The following SIN3A variants were observed in gnomAD, a reference collection of about 807,000 sequenced individuals.
SIN3A encodes the protein paired amphipathic helix protein Sin3a.
A neutral mutation model predicts 146.1 loss-of-function variants in SIN3A; 14 were observed. The ratio of observed to expected loss-of-function variants is 0.10; its 90% CI spans 0.06 to 0.15. The LOEUF (loss-of-function observed/expected upper bound fraction) is 0.15. Ranked by LOEUF, SIN3A falls within the 10% of genes least tolerant of loss-of-function variation. The probability of loss-of-function intolerance (pLI) is 1.00; values close to 1 mark genes in which losing one functional copy is unlikely to be tolerated. For missense variants in SIN3A, 1,028 were observed against 1,576.0 expected (o/e 0.65, Z 5.89); for synonymous variants, 572 against 572.0 (o/e 1.00, Z 0.00).
chr15:75,381,709 C>A lies in SIN3A; in HGVS notation c.3196-4G>T, dbSNP rs1411770643. 6.2e-7 allele frequency: 1 copy of A among 1,610,516 alleles called. No individual in the cohort carries two copies. The highest frequency in any genetic ancestry group is 8.5e-7 in the Non-Finnish European group (1 of 1,177,374). On this transcript the variant is annotated splice_region_variant and splice_polypyrimidine_tract_variant and intron_variant, in intron 17 of 20. Coordinates refer to ENST00000394947, the MANE Select transcript of SIN3A (RefSeq NM_001145358.2). ...CTTGGCTCTGAATAAACATAAGCTG[C>A]AAATAAGAAACCTAAGCGTAAACAA... is the stretch of plus-strand genomic sequence containing the variant.
At chr15:75,453,911 C>G (rs555037329), upstream of SIN3A, 216 of 152,494 alleles carry the variant, frequency 1.4e-3, 1 homozygote, top group African/African-American at 5.0e-3. Context: ...GGCTTCTCGG[C>G]TCTCCCCGCC....
At chr15:75,421,821 A>T (rs912850950) in intron 3 of SIN3A, 2 of 152,192 alleles carry the variant, frequency 1.3e-5, no homozygotes, top group African/African-American at 4.8e-5. Flanking sequence ...AGTAACATTC[A>T]AGTGGTCAGA....
Position 75,411,759 on chromosome 15 carries a change from A to G in SIN3A, c.757-16T>C, listed in dbSNP as rs1452822695. On this transcript the variant is annotated splice_polypyrimidine_tract_variant and intron_variant, in intron 5 of 20. Coordinates refer to ENST00000394947, the MANE Select transcript of SIN3A (RefSeq NM_001145358.2). ...GTTGGGAGGGCTAGAAAGAAAAGAA[A>G]TCTTTATTCTCTTCAGATGCATAGA... 6.4e-7 allele frequency: 1 copy of G among 1,563,282 alleles called. No homozygotes were observed. Among genetic ancestry groups the G allele is most frequent in the Non-Finnish European group, 8.7e-7 (1 of 1,155,516 alleles).
rs1328810468 is a variant in SIN3A at position 75,394,821 on chromosome 15, G to C, written c.2136C>G (p.Gly712=). The change falls in exon 14 of 21, where the codon GGC becomes GGG. Residue 712 remains glycine (G), a synonymous_variant. Coordinates refer to ENST00000394947, the MANE Select transcript of SIN3A (RefSeq NM_001145358.2). ...TTTGTTCTCGCCATACTTTGTTAAAGCCTCTCTGAGCTTCTCGCCATTCTT... is the reference window on the plus strand; with the variant it reads ...TTTGTTCTCGCCATACTTTGTTAAACCCTCTCTGAGCTTCTCGCCATTCTT... ...KEEEWREAQR[G]FNKVWREQNE... is the part of the protein sequence containing the mutation. 3.7e-6 allele frequency: 6 copies of C among 1,613,882 alleles called. No individual in the cohort carries two copies. In the African/African-American group the frequency reaches 8.0e-5, roughly 22 times the overall value.
chr15:75,429,764 CTA>C (rs903637286), intron 2 of SIN3A, among the ~76,000 whole-genome samples: 4 of 152,092 alleles, frequency 2.6e-5, no homozygotes, highest in Non-Finnish European at 1.5e-5. Context: ...GTAATTTACA[CTA>C]CAGTGAAAAT....
intron 2 of SIN3A, among the ~76,000 whole-genome samples, chr15:75,427,484 A>C (rs2073944922): frequency 6.6e-6 from 1 of 152,018 alleles, no homozygotes; most frequent in Admixed American, 6.6e-5. Context: ...GCACAGCGAA[A>C]CCCCATCTCC....
intron 12 of SIN3A, among the ~76,000 whole-genome samples, chr15:75,397,521 G>A (rs139218831): frequency 6.6e-6 from 1 of 152,252 alleles, no homozygotes; most frequent in Non-Finnish European, 1.5e-5. Flanking sequence ...CCCTTGGCCT[G>A]AATCCCCAAG....
chr15:75,396,635 T>A (rs552887061), intron 12 of SIN3A, 139 bp from the exon 13 acceptor site: 113 of 626,888 alleles, frequency 1.8e-4, no homozygotes, highest in Admixed American at 2.7e-4. Flanking sequence ...TAAGACTGTT[T>A]CTTTATCAGC....
At chr15:75,404,119 G>A (rs772500458) in intron 9 of SIN3A, among the ~76,000 whole-genome samples, 3 of 152,152 alleles carry the variant, frequency 2.0e-5, no homozygotes, top group Non-Finnish European at 4.4e-5. Context: ...ACCACAGACT[G>A]CCACCAAACC....
At chr15:75,437,177 CTTT>C (rs5813801) in intron 1 of SIN3A, among the ~76,000 whole-genome samples, 11 of 145,128 alleles carry the variant, frequency 7.6e-5, no homozygotes, top group Admixed American at 2.1e-4. Context: ...TCCCAGAACC[CTTT>C]TTTTTTTTTT....
Position 75,427,008 on chromosome 15 carries a change from G to T in SIN3A, c.189+3179C>A, listed in dbSNP as rs371594406. On this transcript the variant is annotated intron_variant, in intron 2 of 20. Transcript: ENST00000394947. ...TATGCATATAAAACTGGATACCCAAGAAATTCACCAGTGGGAGAAAATCTG... is the reference window on the plus strand; with the variant it reads ...TATGCATATAAAACTGGATACCCAATAAATTCACCAGTGGGAGAAAATCTG... Among the ~76,000 whole-genome samples, 8 of 152,134 alleles carry T rather than the reference G, an allele frequency of 5.3e-5. No individual in the cohort carries two copies. The East Asian group carries it at 1.4e-3, about 26-fold the overall frequency.
intron 1 of SIN3A, among the ~76,000 whole-genome samples, chr15:75,431,766 G>C (rs2074017403): frequency 6.6e-6 from 1 of 152,186 alleles, no homozygotes; most frequent in Non-Finnish European, 1.5e-5. Flanking sequence ...CTCCATGGCT[G>C]TTTCACCTTT....
intron 15 of SIN3A, among the ~76,000 whole-genome samples, chr15:75,390,947 A>T (rs2073189437): frequency 6.6e-6 from 1 of 152,222 alleles, no homozygotes; most frequent in Non-Finnish European, 1.5e-5. Flanking sequence ...GTCACTGACT[A>T]ATTGGTTACT....
At chr15:75,449,839 G>A (rs768616743) in intron 1 of SIN3A, among the ~76,000 whole-genome samples, 1 of 152,214 alleles carries the variant, frequency 6.6e-6, no homozygotes, top group Non-Finnish European at 1.5e-5. Flanking sequence ...ACAGTGCAAT[G>A]GCACCATCTC....
At chr15:75,440,779 G>A (rs1386772160) in intron 1 of SIN3A, among the ~76,000 whole-genome samples, 1 of 151,894 alleles carries the variant, frequency 6.6e-6, no homozygotes, top group Non-Finnish European at 1.5e-5. Context: ...TCAGGAGATC[G>A]AGACCATCCT....
At chr15:75,446,910 T>C (rs1357874295) in intron 1 of SIN3A, among the ~76,000 whole-genome samples, 11 of 152,208 alleles carry the variant, frequency 7.2e-5, no homozygotes, top group Admixed American at 7.2e-4. Flanking sequence ...TAGCTGGGAC[T>C]ACAGGTGCGT....
intron 1 of SIN3A, among the ~76,000 whole-genome samples, chr15:75,432,948 G>A (rs1409898074): frequency 2.6e-5 from 4 of 151,888 alleles, no homozygotes; most frequent in African/African-American, 9.7e-5. Flanking sequence ...ACGCTGAGAC[G>A]GGAGAATCGC....
At chr15:75,437,885 T>G (rs1455009820) in intron 1 of SIN3A, among the ~76,000 whole-genome samples, 2 of 152,174 alleles carry the variant, frequency 1.3e-5, no homozygotes, top group Non-Finnish European at 2.9e-5. Flanking sequence ...GTGGGCACAG[T>G]GGCTTGCACC....
chr15:75,435,809 A>G (rs1198936093), intron 1 of SIN3A, among the ~76,000 whole-genome samples: 1 of 152,160 alleles, frequency 6.6e-6, no homozygotes, highest in East Asian at 1.9e-4. Context: ...TGTACATTTC[A>G]TTGTATGTAA....
Sources: allele counts gnomAD v4.1 joint callset (sites outside exome capture counted in the v4.1 genomes callset), GRCh38; gene constraint gnomAD v4.1.1; transcripts MANE v1.5; gene names NCBI Gene and HGNC (gene_info 2026-07-23, HGNC 2026-07-21).